GRID1: variants seen among roughly 807,000 people sequenced by gnomAD.
The protein encoded by GRID1 is glutamate receptor ionotropic, delta-1.
A neutral mutation model predicts 98.0 loss-of-function variants in GRID1; 28 were observed. The observed-to-expected ratio is 0.29, with a 90% CI of 0.21 to 0.39. The LOEUF is 0.39. Among genes scored for constraint, GRID1 ranks in the 10% least tolerant of loss-of-function variants. The pLI, the probability that GRID1 is intolerant of heterozygous loss-of-function variation, is 1.00. For synonymous variants in GRID1, 553 were observed against 538.5 expected (o/e 1.03, Z -0.37); for missense variants, 1,111 against 1,340.5 (o/e 0.83, Z 2.67).
intron 3 of GRID1, among the ~76,000 whole-genome samples, chr10:86,191,659 AG>A (rs1174885220): frequency 1.3e-5 from 2 of 152,070 alleles, no homozygotes; most frequent in African/African-American, 4.8e-5. Flanking sequence ...ACATGCTCCC[AG>A]TTCCCTCAGG....
At chr10:86,323,372 T>G (rs78681461) in intron 2 of GRID1, among the ~76,000 whole-genome samples, 122 of 152,378 alleles carry the variant, frequency 8.0e-4, no homozygotes, top group African/African-American at 2.8e-3. Context: ...GAGCACACAC[T>G]GTATTTGACT....
chr10:85,663,732 T>G (rs1306503261), intron 12 of GRID1, among the ~76,000 whole-genome samples: 2 of 152,190 alleles, frequency 1.3e-5, no homozygotes, highest in Non-Finnish European at 2.9e-5. Flanking sequence ...CAATGTTAGG[T>G]GCATGACAGG....
chr10:86,351,549 G>A (rs1848462024), intron 2 of GRID1, among the ~76,000 whole-genome samples: 1 of 152,198 alleles, frequency 6.6e-6, no homozygotes, highest in South Asian at 2.1e-4. Flanking sequence ...GAGCACACAG[G>A]ACTAAAGGAG....
intron 8 of GRID1, among the ~76,000 whole-genome samples, chr10:85,734,480 A>T (rs1314193583): frequency 6.6e-6 from 1 of 152,220 alleles, no homozygotes; most frequent in Non-Finnish European, 1.5e-5. Flanking sequence ...AGGAATTAAA[A>T]GTATTTTTGT....
intron 4 of GRID1, among the ~76,000 whole-genome samples, chr10:85,988,635 C>T (rs527376939): frequency 3.9e-5 from 6 of 152,258 alleles, no homozygotes; most frequent in African/African-American, 9.6e-5. Flanking sequence ...ACTAAGTTCC[C>T]GGGCCTCGGC....
At chr10:86,038,244 G>A (rs1227894673) in intron 4 of GRID1, among the ~76,000 whole-genome samples, 2 of 152,128 alleles carry the variant, frequency 1.3e-5, no homozygotes, top group Non-Finnish European at 1.5e-5. Flanking sequence ...TACTCCCACC[G>A]TGGCCAGTTT....
At chr10:85,842,875 C>T (rs1488328812) in intron 8 of GRID1, among the ~76,000 whole-genome samples, 1 of 151,990 alleles carries the variant, frequency 6.6e-6, no homozygotes, top group African/African-American at 2.4e-5. Context: ...CAAGTGTGTT[C>T]CTACATATTT....
At chr10:85,688,520 T>C (rs1841294492) in intron 12 of GRID1, among the ~76,000 whole-genome samples, 1 of 151,952 alleles carries the variant, frequency 6.6e-6, no homozygotes, top group Non-Finnish European at 1.5e-5. Flanking sequence ...GACCTAGAAA[T>C]GGATAGATTT....
At chr10:86,182,855 G>A (rs1371555154) in intron 3 of GRID1, among the ~76,000 whole-genome samples, 1 of 152,168 alleles carries the variant, frequency 6.6e-6, no homozygotes, top group East Asian at 1.9e-4. Flanking sequence ...CAGACCATAA[G>A]GGATATGCGA....
At chr10:86,175,802 C>T (rs1413582500) in intron 3 of GRID1, among the ~76,000 whole-genome samples, 4 of 152,154 alleles carry the variant, frequency 2.6e-5, no homozygotes, top group Non-Finnish European at 5.9e-5. Flanking sequence ...CTCCGCCTCC[C>T]GGGTTCAAGC....
rs149876378 is a variant in GRID1, at chr10:85,727,912, G to A, written c.1476C>T (p.Tyr492=). Residue 492 remains tyrosine (Y), a synonymous_variant, in exon 10 of 16, where the codon TAC becomes TAT. Transcript: ENST00000327946. ...AGGAGGTGTTATGGAGCTGGTGACC[G>A]TACCTGCCATCAGGGGCTTGGTAAA... is the stretch of plus-strand genomic sequence containing the variant. ...YEIYQAPDGR[Y]GHQLHNTSWN... is the part of the protein sequence containing the mutation. The A allele has an allele frequency of 5.6e-5, 91 of 1,613,786 alleles. No individual in the cohort carries two copies. The highest frequency in any genetic ancestry group is 1.8e-4 in the East Asian group (8 of 44,868).
At position 86,006,592 on chromosome 10, in the gene GRID1, T is replaced by C. The variant is rs182668151; in HGVS notation, c.727-90353A>G. Among the ~76,000 whole-genome samples, 655 of 151,626 alleles carry C rather than the reference T, an allele frequency of 4.3e-3. 7 individuals are homozygous for C. The highest frequency in any genetic ancestry group is 0.015 in the African/African-American group (631 of 41,252). ...GAGATTGCGCCACTGCACTCCAGCCTGGCGACAGAGCGAGACGCCGTCTAA... is the reference window on the plus strand; with the variant it reads ...GAGATTGCGCCACTGCACTCCAGCCCGGCGACAGAGCGAGACGCCGTCTAA... On this transcript the variant is annotated intron_variant, in intron 4 of 15. Coordinates refer to ENST00000327946, the MANE Select transcript of GRID1 (RefSeq NM_017551.3).
intron 5 of GRID1, among the ~76,000 whole-genome samples, chr10:85,875,068 C>T (rs542289385): frequency 7.4e-4 from 112 of 152,052 alleles, no homozygotes; most frequent in Non-Finnish European, 1.1e-3. Flanking sequence ...TTAGTAGAGA[C>T]GGGGTTTCAC....
At chr10:86,330,204 A>T (rs1018526051) in intron 2 of GRID1, among the ~76,000 whole-genome samples, 2 of 150,036 alleles carry the variant, frequency 1.3e-5, no homozygotes, top group Non-Finnish European at 3.0e-5. Flanking sequence ...CAGACTCACC[A>T]TTCCCATCTC....
intron 2 of GRID1, among the ~76,000 whole-genome samples, chr10:86,271,538 T>C (rs150479538): frequency 2.0e-5 from 3 of 152,366 alleles, no homozygotes; most frequent in Non-Finnish European, 4.4e-5. Context: ...CTACATGCCG[T>C]ATGTTCAAAC....
At chr10:85,904,218 A>C (rs1320408598) in intron 5 of GRID1, among the ~76,000 whole-genome samples, 1 of 152,242 alleles carries the variant, frequency 6.6e-6, no homozygotes, top group Admixed American at 6.5e-5. Flanking sequence ...CTCTGACCTG[A>C]AATAACCAAA....
At chr10:86,107,842 G>A (rs964377808) in intron 4 of GRID1, among the ~76,000 whole-genome samples, 5 of 152,100 alleles carry the variant, frequency 3.3e-5, no homozygotes, top group African/African-American at 1.2e-4. Context: ...GAGAACCCAG[G>A]CTGCCAAACA....
intron 4 of GRID1, among the ~76,000 whole-genome samples, chr10:86,043,952 G>C (rs1412112817): frequency 6.6e-6 from 1 of 152,178 alleles, no homozygotes; most frequent in Non-Finnish European, 1.5e-5. Flanking sequence ...CTTTTAACAT[G>C]ATCATTGAAA....
chr10:86,119,785 G>GT (rs1397658265), intron 4 of GRID1, among the ~76,000 whole-genome samples: 1 of 151,928 alleles, frequency 6.6e-6, no homozygotes, highest in African/African-American at 2.4e-5. Flanking sequence ...CCACTGTTGT[G>GT]TTTTTGTTTT....
Sources: allele counts gnomAD v4.1 joint callset (sites outside exome capture counted in the v4.1 genomes callset), GRCh38; gene constraint gnomAD v4.1.1; transcripts MANE v1.5; gene names NCBI Gene and HGNC (gene_info 2026-07-23, HGNC 2026-07-21).